ITPRID1: variants seen among roughly 807,000 people sequenced by gnomAD.
The protein encoded by ITPRID1 is ITPR interacting domain containing 1.
ITPRID1 carries 96 observed loss-of-function variants against 95.4 expected under a neutral mutation model. That is an observed-to-expected ratio of 1.01 (90% confidence interval 0.85 to 1.19). ITPRID1 has a LOEUF of 1.19. Among genes scored for constraint, ITPRID1 ranks in the 50% most tolerant of loss-of-function variants. The pLI, the probability that ITPRID1 is intolerant of heterozygous loss-of-function variation, is 0.00. For missense variants in ITPRID1, 1,339 were observed against 1,252.9 expected, an observed-to-expected ratio of 1.07 and a Z score of -1.04; for synonymous variants, 510 against 453.6, an observed-to-expected ratio of 1.12 and a Z score of -1.58.
At chr7:31,583,279 T>G in intron 10 of ITPRID1, 88 bp downstream of exon 10, 1 of 869,498 alleles carries the variant, frequency 1.2e-6, no homozygotes, top group Non-Finnish European at 1.8e-6. Context: ...TGTACAGAGC[T>G]TAAATTATCT....
chr7:31,592,155 C>T (rs1024250985), intron 10 of ITPRID1, among the ~76,000 whole-genome samples: 1 of 152,142 alleles, frequency 6.6e-6, no homozygotes, highest in African/African-American at 2.4e-5. Flanking sequence ...TCAAAGATAA[C>T]AGGACTCCCC....
intron 10 of ITPRID1, among the ~76,000 whole-genome samples, chr7:31,629,933 A>G (rs992576220): frequency 4.6e-5 from 7 of 152,230 alleles, no homozygotes; most frequent in East Asian, 3.8e-4. Context: ...GAATTGTAAA[A>G]TATACAAACA....
At chr7:31,603,444 T>G (rs1198752259) in intron 10 of ITPRID1, among the ~76,000 whole-genome samples, 1 of 147,608 alleles carries the variant, frequency 6.8e-6, no homozygotes, top group Non-Finnish European at 1.5e-5. Flanking sequence ...GGGGATATTT[T>G]GCAGCCGGCA....
chr7:31,521,620 C>CTTCCTTCCT (rs1384409665), intron 1 of ITPRID1, among the ~76,000 whole-genome samples: 1 of 69,728 alleles, frequency 1.4e-5, no homozygotes, highest in Non-Finnish European at 3.0e-5. Flanking sequence ...TCTCCTTTCC[C>CTTCCTTCCT]TCCTTCCTTC....
chr7:31,586,525 C>T (rs12333865), intron 10 of ITPRID1, among the ~76,000 whole-genome samples: 76 of 150,708 alleles, frequency 5.0e-4, no homozygotes, highest in African/African-American at 1.2e-3. Flanking sequence ...TTTTAATGAT[C>T]GCCATTCTAA....
rs774931494 is a variant in ITPRID1, at chr7:31,651,272, A to G, written c.2711+3A>G. The stretch of plus-strand genomic sequence containing the variant: ...AGGGACATGTCAGAGGAGGAAAGGT[A>G]ATTACCTAAGGGAGCCATAAAAGTA... On this transcript the variant is annotated splice_donor_region_variant and intron_variant, in intron 13 of 14. Transcript: ENST00000615280. 6.2e-7 allele frequency: 1 copy of G among 1,612,466 alleles called. No individual in the cohort carries two copies. Among genetic ancestry groups the G allele is most frequent in the African/African-American group, 1.3e-5 (1 of 74,848 alleles).
Position 31,655,740 on chromosome 7 carries a change from C to T in ITPRID1, c.*2911C>T, listed in dbSNP as rs1313935030. 3 of 985,752 alleles carry T rather than the reference C, an allele frequency of 3.0e-6. No individual in the cohort carries two copies. Among genetic ancestry groups the T allele is most frequent in the African/African-American group, 1.7e-5 (1 of 57,346 alleles). The allele number at this position is 985,752 out of a possible 1,614,324, so 61.1% of individuals were successfully genotyped here. ...ATGCATTGCATTTGTGCCTCCAAAT[C>T]GTTTCCCTTGCTAAACTCCTAAGCT... On this transcript the variant is annotated 3_prime_UTR_variant, in exon 15 of 15. Coordinates refer to ENST00000615280, the MANE Select transcript of ITPRID1 (RefSeq NM_001257967.3).
At chr7:31,549,581 G>A (rs891197810) in intron 2 of ITPRID1, 82 bp downstream of exon 2, 1 of 974,498 alleles carries the variant, frequency 1.0e-6, no homozygotes. Context: ...ATAGATATGA[G>A]GAAATAGATT....
intron 5 of ITPRID1, among the ~76,000 whole-genome samples, chr7:31,565,475 C>T (rs1424863550): frequency 6.6e-6 from 1 of 152,176 alleles, no homozygotes; most frequent in African/African-American, 2.4e-5. Context: ...GTGGATCACA[C>T]CTGTAAACCC....
In ITPRID1 at chr7:31,595,292, G is replaced by A. The variant is rs187418192; in HGVS notation, c.1228+12101G>A. Among the ~76,000 whole-genome samples, 12 of 150,572 alleles carry A rather than the reference G, an allele frequency of 8.0e-5. No individual in the cohort carries two copies. The East Asian group carries it at 1.8e-3, about 22-fold the overall frequency. On this transcript the variant is annotated intron_variant, in intron 10 of 14. Coordinates refer to ENST00000615280, the MANE Select transcript of ITPRID1 (RefSeq NM_001257967.3). ...ACTCCTGACCTCAGGTGATCCACCC[G>A]CCTTGGTCCCCCAAAGTACTGGGAT...
At position 31,653,008 on chromosome 7, in the gene ITPRID1, A is replaced by G. The variant is rs1296847233; in HGVS notation, c.*179A>G. ...TAGAATACTCTAATACTCATTCAGTATAGAATAACTGAGCACCTAGTATGT... is the reference window on the plus strand; with the variant it reads ...TAGAATACTCTAATACTCATTCAGTGTAGAATAACTGAGCACCTAGTATGT... On this transcript the variant is annotated 3_prime_UTR_variant, in exon 15 of 15. Transcript: ENST00000615280. 5.0e-6 allele frequency: 7 copies of G among 1,408,158 alleles called. No homozygotes were observed. Among genetic ancestry groups the G allele is most frequent in the African/African-American group, 4.3e-5 (3 of 69,200 alleles). The allele number at this position is 1,408,158 out of a possible 1,614,324, so 87.2% of individuals were successfully genotyped here. A position where few individuals can be genotyped will look rare whatever the true frequency, so the allele number is the denominator to read the frequency against.
intron 1 of ITPRID1, among the ~76,000 whole-genome samples, chr7:31,525,600 T>C (rs1368346563): frequency 6.6e-6 from 1 of 152,128 alleles, no homozygotes; most frequent in East Asian, 1.9e-4. Context: ...ATCTTTACTA[T>C]AGAAAGATTG....
intron 7 of ITPRID1, 61 bp downstream of exon 7, chr7:31,572,249 T>C: frequency 3.6e-6 from 4 of 1,096,986 alleles, no homozygotes; most frequent in Middle Eastern, 2.0e-4. Context: ...ATGGATTTCA[T>C]GAAATTATAA....
intron 1 of ITPRID1, among the ~76,000 whole-genome samples, chr7:31,527,132 T>C (rs1487801772): frequency 6.6e-6 from 1 of 152,192 alleles, no homozygotes; most frequent in African/African-American, 2.4e-5. Context: ...GCACATGCTG[T>C]TCTCTCTCCC....
At chr7:31,616,854 C>T (rs890002237) in intron 10 of ITPRID1, among the ~76,000 whole-genome samples, 3 of 151,232 alleles carry the variant, frequency 2.0e-5, no homozygotes, top group Admixed American at 2.0e-4. Flanking sequence ...ATCCAAACCT[C>T]TCTTAACAGA....
At position 31,578,399 on chromosome 7, in the gene ITPRID1, G is replaced by A; in HGVS notation, c.1135G>A (p.Ala379Thr). The A allele has an allele frequency of 1.2e-6, 2 of 1,611,896 alleles. No homozygotes were observed. Among genetic ancestry groups the A allele is most frequent in the Middle Eastern group, 1.7e-4 (1 of 6,044 alleles). The change falls in exon 9 of 15, where the codon GCA becomes ACA. Residue 379 changes from alanine to threonine, a missense_variant. Transcript: ENST00000615280. ...TNKLKSLSHL[A>T]GKGPDSFEME... The stretch of plus-strand genomic sequence containing the variant: ...CAAGCTCAAGAGCTTGTCTCATCTT[G>A]CAGGCAAAGGACCAGACTCATTTGA...
At chr7:31,649,633 G>A (rs1790779121) in intron 12 of ITPRID1, among the ~76,000 whole-genome samples, 1 of 152,140 alleles carries the variant, frequency 6.6e-6, no homozygotes, top group Non-Finnish European at 1.5e-5. Context: ...CAAGCCTGTG[G>A]GTCTGATAGA....
chr7:31,566,629 T>C (rs1784810529), intron 5 of ITPRID1, among the ~76,000 whole-genome samples: 1 of 152,214 alleles, frequency 6.6e-6, no homozygotes, highest in Non-Finnish European at 1.5e-5. Flanking sequence ...AACAATATTT[T>C]ATCTTCCATT....
intron 8 of ITPRID1, among the ~76,000 whole-genome samples, chr7:31,575,498 G>A (rs1010410585): frequency 5.4e-4 from 82 of 152,196 alleles, no homozygotes; most frequent in African/African-American, 1.9e-3. Context: ...GCTCAAAACA[G>A]TTTGGGGGAA....
Sources: allele counts gnomAD v4.1 joint callset (sites outside exome capture counted in the v4.1 genomes callset), GRCh38; gene constraint gnomAD v4.1.1; transcripts MANE v1.5; gene names NCBI Gene and HGNC (gene_info 2026-07-23, HGNC 2026-07-21).